ZFYVE28: variants seen among roughly 807,000 people sequenced by gnomAD.
ZFYVE28 encodes lateral signaling target protein 2 homolog.
A neutral mutation model predicts 82.1 loss-of-function variants in ZFYVE28; 40 were observed. That is an observed-to-expected ratio of 0.49 (90% confidence interval 0.38 to 0.63). ZFYVE28 has a LOEUF of 0.63. Ranked by LOEUF, ZFYVE28 falls within the 30% of genes least tolerant of loss-of-function variation. The pLI is 0.00. For synonymous variants in ZFYVE28, 612 were observed against 546.1 expected (o/e 1.12, Z -1.68); for missense variants, 1,321 against 1,242.1 (o/e 1.06, Z -0.96).
chr4:2,377,812 T>TTCACC (rs1728318084), intron 1 of ZFYVE28, among the ~76,000 whole-genome samples: 1 of 152,268 alleles, frequency 6.6e-6, no homozygotes, highest in Non-Finnish European at 1.5e-5. Context: ...GATGTGAATA[T>TTCACC]GTTCTCAGAA....
intron 8 of ZFYVE28, among the ~76,000 whole-genome samples, chr4:2,275,367 C>T (rs928280914): frequency 2.0e-5 from 3 of 151,148 alleles, no homozygotes; most frequent in African/African-American, 7.3e-5. Context: ...AATTTATCTC[C>T]TATCTTTTTG....
chr4:2,302,226 C>A (rs1715667226), intron 8 of ZFYVE28, among the ~76,000 whole-genome samples: 1 of 152,264 alleles, frequency 6.6e-6, no homozygotes, highest in Non-Finnish European at 1.5e-5. Flanking sequence ...ATAAAACATT[C>A]TTCAACTGTT....
intron 1 of ZFYVE28, among the ~76,000 whole-genome samples, chr4:2,400,044 G>T (rs1308073282): frequency 6.6e-6 from 1 of 152,246 alleles, no homozygotes; most frequent in Non-Finnish European, 1.5e-5. Context: ...TTCAGATGCT[G>T]CCTCTCCACA....
chr4:2,276,095 G>A lies in ZFYVE28; in HGVS notation c.2052-1879C>T, dbSNP rs549697883. Among the ~76,000 whole-genome samples the A allele has an allele frequency of 5.9e-5, 9 of 152,402 alleles. No homozygotes were observed. The East Asian group carries it at 1.7e-3, about 29-fold the overall frequency. Reference sequence around the variant, plus strand: ...GCCTCGTGACGTAAACCCTGCAGAAGCACAGAGGCGTGGCGCACGTGAGAA... The same window carrying A: ...GCCTCGTGACGTAAACCCTGCAGAAACACAGAGGCGTGGCGCACGTGAGAA... On this transcript the variant is annotated intron_variant, in intron 8 of 12. Transcript: ENST00000290974.
intron 6 of ZFYVE28, among the ~76,000 whole-genome samples, chr4:2,324,135 G>C (rs536488260): frequency 3.9e-5 from 6 of 152,136 alleles, no homozygotes; most frequent in Non-Finnish European, 7.3e-5. Context: ...TGCAATTGTG[G>C]GGGCTGGAAA....
chr4:2,361,573 G>T (rs73070638), intron 1 of ZFYVE28, among the ~76,000 whole-genome samples: 2,206 of 152,272 alleles, frequency 0.014, 53 homozygotes, highest in African/African-American at 0.05. Context: ...GCCCAGGAGG[G>T]CTGGGGCTCC....
rs1384671263 is a variant in ZFYVE28, at chr4:2,304,303, G to A, written c.2037C>T (p.Ala679=). The A allele has an allele frequency of 6.3e-7, 1 of 1,588,470 alleles. No individual in the cohort carries two copies. Among genetic ancestry groups the A allele is most frequent in the Non-Finnish European group, 8.5e-7 (1 of 1,172,922 alleles). The stretch of plus-strand genomic sequence containing the variant: ...CTGGCTCTTACCTGGAGCCCGACAG[G>A]GCCTGAGGCGCCTCGTGAGCCGAGG... ...GSPSAHEAPQ[A]LSGSSSSTAG... is the part of the protein sequence containing the mutation. The change falls in exon 8 of 13, where the codon GCC becomes GCT. Residue 679 remains alanine, a synonymous_variant. Coordinates refer to ENST00000290974, the MANE Select transcript of ZFYVE28 (RefSeq NM_020972.3).
chr4:2,357,808 C>T (rs760899443), intron 1 of ZFYVE28, among the ~76,000 whole-genome samples: 26 of 152,272 alleles, frequency 1.7e-4, no homozygotes, highest in African/African-American at 4.8e-4. Flanking sequence ...AAAGAGGACA[C>T]GAGCAGGGGC....
In ZFYVE28 at chr4:2,341,724, A is replaced by G. The variant is rs1240735801; in HGVS notation, c.181-109T>C. On this transcript the variant is annotated intron_variant, in intron 2 of 12. Transcript: ENST00000290974. The surrounding 1 kb of genome is among the most constrained non-coding windows in gnomAD (Gnocchi z 4.5). ...CATGTGACTGTTTTTTAGGATTATT[A>G]AAGTGATAGAGGAGGCTAGGCACGG... 1.2e-5 allele frequency: 18 copies of G among 1,474,770 alleles called. 1 individual carries two copies. The East Asian group carries it at 3.9e-4, about 32-fold the overall frequency. The allele number at this position is 1,474,770 out of a possible 1,614,324, so 91.4% of individuals were successfully genotyped here. A position where few individuals can be genotyped will look rare whatever the true frequency, so the allele number is the denominator to read the frequency against.
At chr4:2,350,648 G>A (rs1724284815) in intron 2 of ZFYVE28, among the ~76,000 whole-genome samples, 1 of 152,192 alleles carries the variant, frequency 6.6e-6, no homozygotes, top group African/African-American at 2.4e-5. Context: ...ATCAACGCAT[G>A]TTAGAGGGTT....
chr4:2,292,461 G>T (rs749631649), intron 8 of ZFYVE28, among the ~76,000 whole-genome samples: 41 of 152,190 alleles, frequency 2.7e-4, no homozygotes, highest in Non-Finnish European at 5.4e-4. Flanking sequence ...GCATGGACAA[G>T]GGAAGCCGAT....
intron 6 of ZFYVE28, among the ~76,000 whole-genome samples, chr4:2,325,885 G>A (rs1030159738): frequency 1.3e-5 from 2 of 151,906 alleles, no homozygotes; most frequent in African/African-American, 4.8e-5. Flanking sequence ...GAGCCACCAT[G>A]CCCAGTCTCT....
At chr4:2,354,941 A>C (rs1029796690) in intron 1 of ZFYVE28, among the ~76,000 whole-genome samples, 1 of 151,626 alleles carries the variant, frequency 6.6e-6, no homozygotes, top group African/African-American at 2.4e-5. Flanking sequence ...TTTCCACACC[A>C]GTGCACTGTG....
intron 2 of ZFYVE28, among the ~76,000 whole-genome samples, chr4:2,351,647 G>A (rs1724467891): frequency 6.6e-6 from 1 of 152,210 alleles, no homozygotes; most frequent in Non-Finnish European, 1.5e-5. Context: ...CTGGGAGGTG[G>A]AGGTTGCAGT....
intron 1 of ZFYVE28, among the ~76,000 whole-genome samples, chr4:2,407,634 A>G (rs187175096): frequency 1.2e-4 from 19 of 152,292 alleles, no homozygotes; most frequent in Middle Eastern, 6.8e-3. Context: ...ACAATTGCAC[A>G]GGCTGGAGTG....
In ZFYVE28 at chr4:2,332,767, G is replaced by A. The variant is rs950533521; in HGVS notation, c.701+2938C>T. The stretch of plus-strand genomic sequence containing the variant: ...GCCCCAGTGAGCATCCCAGAGGGGC[G>A]GCCTTAGGAACAGCTGCCCACTCAG... On this transcript the variant is annotated intron_variant, in intron 6 of 12. Transcript: ENST00000290974. This position sits in a 1 kb window ranked among gnomAD's most constrained non-coding sequence, Gnocchi z 4.7. 4.6e-5 allele frequency among the ~76,000 whole-genome samples: 7 copies of A among 152,142 alleles called. No homozygotes were observed. The highest frequency in any genetic ancestry group is 3.9e-4 in the East Asian group (2 of 5,172).
chr4:2,346,235 G>T (rs994882708), intron 2 of ZFYVE28, among the ~76,000 whole-genome samples: 13 of 150,426 alleles, frequency 8.6e-5, no homozygotes, highest in African/African-American at 2.0e-4. Flanking sequence ...CCAGCTACGT[G>T]GGGGGCTGAG....
intron 7 of ZFYVE28, among the ~76,000 whole-genome samples, chr4:2,319,408 C>T (rs139220213): frequency 6.6e-6 from 1 of 152,336 alleles, no homozygotes; most frequent in Non-Finnish European, 1.5e-5. Flanking sequence ...GTGACGAGGA[C>T]CCCATAGCCC....
At chr4:2,274,251 G>T (rs756825369) in intron 8 of ZFYVE28, 35 bp from the exon 9 acceptor site, 2 of 1,599,448 alleles carry the variant, frequency 1.3e-6, no homozygotes, top group Non-Finnish European at 1.7e-6. Context: ...GTGTGGGGTG[G>T]GGCATGATAA....
Sources: allele counts gnomAD v4.1 joint callset (sites outside exome capture counted in the v4.1 genomes callset), GRCh38; gene constraint gnomAD v4.1.1; non-coding constraint Gnocchi (gnomAD v3.1); transcripts MANE v1.5; gene names NCBI Gene and HGNC (gene_info 2026-07-23, HGNC 2026-07-21).